CTRL: variants seen among roughly 807,000 people sequenced by gnomAD.
CTRL encodes chymotrypsin-like protease CTRL-1.
In CTRL, 38 loss-of-function variants were observed where a neutral mutation model predicts 35.5. The observed-to-expected ratio is 1.07, with a 90% CI of 0.83 to 1.40. CTRL has a LOEUF of 1.40. CTRL is among the 40% of genes most tolerant of loss of function. CTRL has a pLI of 0.00. For missense variants in CTRL, 327 were observed against 342.9 expected (o/e 0.95, Z 0.37); for synonymous variants, 155 against 141.1 (o/e 1.10, Z -0.70).
Position 67,931,212 on chromosome 16 carries a change from G to A in CTRL, c.53-11C>T. ...CAGGAATGCCGCAGCCTGGCCATTG[G>A]GCTAATGAGGACCTGCTTCCCATGC... On this transcript the variant is annotated splice_polypyrimidine_tract_variant and intron_variant, in intron 1 of 6. Transcript: ENST00000574481. The A allele has an allele frequency of 6.2e-7, 1 of 1,613,718 alleles. No homozygotes were observed.
Position 67,929,863 on chromosome 16 carries a change from C to T in CTRL, c.*71G>A, listed in dbSNP as rs1245846865. On this transcript the variant is annotated 3_prime_UTR_variant, in exon 7 of 7. Coordinates refer to ENST00000574481, the MANE Select transcript of CTRL (RefSeq NM_001907.3). The stretch of plus-strand genomic sequence containing the variant: ...TCTTCTTTCTCCTGAGCCAGGAAGA[C>T]AGACATGAATGCATGATGGGACAGG... 1 of 1,524,172 alleles carries T rather than the reference C, an allele frequency of 6.6e-7. No homozygotes were observed. Among genetic ancestry groups the T allele is most frequent in the Non-Finnish European group, 9.0e-7 (1 of 1,112,228 alleles). The allele number at this position is 1,524,172 out of a possible 1,614,324, so 94.4% of individuals were successfully genotyped here.
Position 67,930,332 on chromosome 16 carries a change from G to T in CTRL, c.500-14C>A, listed in dbSNP as rs754443280. On this transcript the variant is annotated splice_polypyrimidine_tract_variant and intron_variant, in intron 5 of 6. Transcript: ENST00000574481. This position sits in a 1 kb window ranked among gnomAD's most constrained non-coding sequence, Gnocchi z 4.3. ...GTGTCACATTGCCTGTGGGCCAGGA[G>T]GGGTGGTCACATGGGGCCCAGAACA... is the stretch of plus-strand genomic sequence containing the variant. 6.2e-7 allele frequency: 1 copy of T among 1,613,800 alleles called. No homozygotes were observed.
rs771709371 is a variant in CTRL at position 67,931,801 on chromosome 16, C to T, written c.52G>A (p.Gly18Ser). Reference protein sequence around the residue: ...LSLVLLGSSWGCGIPAIKPAL... With the variant: ...LSLVLLGSSWSCGIPAIKPAL... ...TCAGGGCTGGTCCTGGCCCACTCAC[C>T]CCAGGAGGAGCCGAGGAGAACCAGG... Residue 18 changes from glycine (G) to serine (S), a missense_variant and splice_region_variant, in exon 1 of 7, where the codon GGC becomes AGC. Transcript: ENST00000574481. The T allele has an allele frequency of 6.4e-7, 1 of 1,566,064 alleles. No individual in the cohort carries two copies. Among genetic ancestry groups the T allele is most frequent in the South Asian group, 1.2e-5 (1 of 84,832 alleles).
In CTRL at chr16:67,930,544, G is replaced by A. The variant is rs758986472; in HGVS notation, c.363C>T (p.Asp121=). 109 of 1,614,036 alleles carry A rather than the reference G, an allele frequency of 6.8e-5. No individual in the cohort carries two copies. Among genetic ancestry groups the A allele is most frequent in the Middle Eastern group, 1.6e-4 (1 of 6,084 alleles). Residue 121 remains aspartate (D), a synonymous_variant, in exon 5 of 7, where the codon GAC becomes GAT. Transcript: ENST00000574481. This position sits in a 1 kb window ranked among gnomAD's most constrained non-coding sequence, Gnocchi z 4.3. ...GCGAGGCGAGCTTCAGCAGCGTCAC[G>A]TCATTGTTCATGGTGGTAGAGTTCC... The part of the protein sequence containing the change: ...PSWNSTTMNN[D]VTLLKLASPA...
chr16:67,930,335 G>T lies in CTRL; in HGVS notation c.500-17C>A, dbSNP rs74336993. The T allele has an allele frequency of 1.8e-3, 2,962 of 1,613,782 alleles. 50 individuals are homozygous for T. In the African/African-American group the frequency reaches 0.034, roughly 18 times the overall value. On this transcript the variant is annotated splice_polypyrimidine_tract_variant and intron_variant, in intron 5 of 6. Transcript: ENST00000574481. The surrounding 1 kb of genome is among the most constrained non-coding windows in gnomAD (Gnocchi z 4.3). ...TCACATTGCCTGTGGGCCAGGAGGGGTGGTCACATGGGGCCCAGAACACTG... is the reference window on the plus strand; with the variant it reads ...TCACATTGCCTGTGGGCCAGGAGGGTTGGTCACATGGGGCCCAGAACACTG...
In CTRL at chr16:67,930,755, C is replaced by G; in HGVS notation, c.289G>C (p.Glu97Gln). ...LGEYDRSSNA[E>Q]PLQVLSVSRA... The stretch of plus-strand genomic sequence containing the variant: ...GAGACGGACAGAACCTGCAAGGGCT[C>G]TGCGTTTGATGATCGGTCATACTCG... Residue 97 changes from glutamate to glutamine, a missense_variant, in exon 4 of 7, where the codon GAG (glutamate) becomes CAG (glutamine). Glu to Gln is a conservative substitution (Grantham distance 29). Coordinates refer to ENST00000574481, the MANE Select transcript of CTRL (RefSeq NM_001907.3). This position sits in a 1 kb window ranked among gnomAD's most constrained non-coding sequence, Gnocchi z 4.3. The G allele has an allele frequency of 6.2e-7, 1 of 1,614,108 alleles. No homozygotes were observed. Among genetic ancestry groups the G allele is most frequent in the African/African-American group, 1.3e-5 (1 of 75,020 alleles).
chr16:67,929,793 C>T lies in CTRL; in HGVS notation c.*141G>A. On this transcript the variant is annotated 3_prime_UTR_variant, in exon 7 of 7. Transcript: ENST00000574481. Reference sequence around the variant, plus strand: ...TGCTACTCAAGGAGTCACTCAGCCCCTTCTGTGCCAGAAGTCCAAGTAGGG... The same window carrying T: ...TGCTACTCAAGGAGTCACTCAGCCCTTTCTGTGCCAGAAGTCCAAGTAGGG... 2.1e-6 allele frequency: 2 copies of T among 958,530 alleles called. No homozygotes were observed. Among genetic ancestry groups the T allele is most frequent in the South Asian group, 1.6e-5 (1 of 63,952 alleles). 59.4% of individuals were successfully genotyped at this position (958,530 alleles called of 1,614,324 possible).
In CTRL at chr16:67,930,717, G is replaced by A. The variant is rs2058236858; in HGVS notation, c.318+9C>T. The A allele has an allele frequency of 6.2e-7, 1 of 1,613,712 alleles. No individual in the cohort carries two copies. The highest frequency in any genetic ancestry group is 8.5e-7 in the Non-Finnish European group (1 of 1,179,662). ...ACTTTTCCTCCGTGTCTGCAGCCCA[G>A]GCACTCACCCGAGAGACGGACAGAA... On this transcript the variant is annotated intron_variant, in intron 4 of 6. Coordinates refer to ENST00000574481, the MANE Select transcript of CTRL (RefSeq NM_001907.3). The surrounding 1 kb of genome is among the most constrained non-coding windows in gnomAD (Gnocchi z 4.3).
chr16:67,931,849 A>G lies in CTRL; in HGVS notation c.4T>C (p.Leu2=), dbSNP rs142161993. The G allele has an allele frequency of 6.6e-3, 10,441 of 1,570,642 alleles. 54 individuals carry two copies. Among genetic ancestry groups the G allele is most frequent in the Admixed American group, 7.4e-3 (399 of 53,710 alleles). ...AGGCTTAGGGTCAGGCTGAGCAGCAACATCGTGGCAGATGTGAGGTTGGGA... is the reference window on the plus strand; with the variant it reads ...AGGCTTAGGGTCAGGCTGAGCAGCAGCATCGTGGCAGATGTGAGGTTGGGA... M[L]LLSLTLSLVL... The change falls in exon 1 of 7, where the codon TTG becomes CTG. Residue 2 remains leucine (L), a synonymous_variant. Coordinates refer to ENST00000574481, the MANE Select transcript of CTRL (RefSeq NM_001907.3).
rs751718042 is a variant in CTRL at position 67,930,172 on chromosome 16, T to C, written c.633+13A>G. ...CCACAGGACAGCGCAGAGGAGCGGG[T>C]GCTGGGGCTTACCTGGCACGAGGAG... On this transcript the variant is annotated intron_variant, in intron 6 of 6. Coordinates refer to ENST00000574481, the MANE Select transcript of CTRL (RefSeq NM_001907.3). This position sits in a 1 kb window ranked among gnomAD's most constrained non-coding sequence, Gnocchi z 4.3. 5 of 1,613,638 alleles carry C rather than the reference T, an allele frequency of 3.1e-6. No homozygotes were observed. The highest frequency in any genetic ancestry group is 4.2e-6 in the Non-Finnish European group (5 of 1,179,834).
In CTRL at chr16:67,930,476, G is replaced by T. The variant is rs1281056974; in HGVS notation, c.431C>A (p.Ser144Tyr). 1 of 1,614,184 alleles carries T rather than the reference G, an allele frequency of 6.2e-7. No homozygotes were observed. Among genetic ancestry groups the T allele is most frequent in the Non-Finnish European group, 8.5e-7 (1 of 1,180,040 alleles). Reference sequence around the variant, plus strand: ...GCCTTCAGTCAGAGCCTCGTTTGAGGATGCCAGGCAAACTGGCGAGATGCG... The same window carrying T: ...GCCTTCAGTCAGAGCCTCGTTTGAGTATGCCAGGCAAACTGGCGAGATGCG... ...TTRISPVCLA[S>Y]SNEALTEGLT... Residue 144 changes from serine (S) to tyrosine (Y), a missense_variant, in exon 5 of 7, where the codon TCC (serine) becomes TAC (tyrosine). Physicochemically the swap from Ser to Tyr is moderately radical, Grantham distance 144. Transcript: ENST00000574481. This position sits in a 1 kb window ranked among gnomAD's most constrained non-coding sequence, Gnocchi z 4.3.
rs1322678228 is a variant in CTRL, at chr16:67,930,822, G to T, written c.237-15C>A. ...GGCGGCCAGGGCTGCAAGGGGGTGG[G>T]ATTAGGCAGCTGCAGGGAGGCCAGC... On this transcript the variant is annotated splice_polypyrimidine_tract_variant and intron_variant, in intron 3 of 6. Transcript: ENST00000574481. The surrounding 1 kb of genome is among the most constrained non-coding windows in gnomAD (Gnocchi z 4.3). The T allele has an allele frequency of 7.4e-6, 12 of 1,613,788 alleles. 1 individual carries two copies. The highest frequency in any genetic ancestry group is 1.0e-5 in the Non-Finnish European group (12 of 1,179,878).
At position 67,930,852 on chromosome 16, in the gene CTRL, GA is replaced by G. The variant is rs758037514; in HGVS notation, c.237-46del. The G allele has an allele frequency of 6.2e-7, 1 of 1,613,160 alleles. No individual in the cohort carries two copies. Among genetic ancestry groups the G allele is most frequent in the Non-Finnish European group, 8.5e-7 (1 of 1,179,476 alleles). On this transcript the variant is annotated intron_variant, in intron 3 of 6. Transcript: ENST00000574481. The surrounding 1 kb of genome is among the most constrained non-coding windows in gnomAD (Gnocchi z 4.3). ...GGCAGCTGCAGGGAGGCCAGCGCGA[GA>G]GGGGGACAGCCAGGGGAGGAGGCAG... is the stretch of plus-strand genomic sequence containing the variant.
At position 67,929,725 on chromosome 16, in the gene CTRL, G is replaced by T. The variant is rs1482258912; in HGVS notation, c.*209C>A. 6 of 599,140 alleles carry T rather than the reference G, an allele frequency of 1.0e-5. No individual in the cohort carries two copies. Among genetic ancestry groups the T allele is most frequent in the South Asian group, 8.5e-5 (4 of 47,284 alleles). 37.1% of individuals were successfully genotyped at this position (599,140 alleles called of 1,614,324 possible). A position where few individuals can be genotyped will look rare whatever the true frequency, so the allele number is the denominator to read the frequency against. On this transcript the variant is annotated 3_prime_UTR_variant, in exon 7 of 7. Coordinates refer to ENST00000574481, the MANE Select transcript of CTRL (RefSeq NM_001907.3). ...ACCAAGGGGTTGCCCTGGAGGAGGG[G>T]TGGGGGCCCCGGCCTCGGCATGGCT...
In CTRL at chr16:67,931,079, C is replaced by T; in HGVS notation, c.156+19G>A. 3.7e-6 allele frequency: 6 copies of T among 1,613,826 alleles called. No homozygotes were observed. The highest frequency in any genetic ancestry group is 3.3e-5 in the South Asian group (3 of 91,088). On this transcript the variant is annotated intron_variant, in intron 2 of 6. Coordinates refer to ENST00000574481, the MANE Select transcript of CTRL (RefSeq NM_001907.3). Reference sequence around the variant, plus strand: ...GGCATGACGTACCCAGGACCCTGCCCACCCCTCTGGTGGTGTACCTGCAGG... The same window carrying T: ...GGCATGACGTACCCAGGACCCTGCCTACCCCTCTGGTGGTGTACCTGCAGG...
intron 1 of CTRL, chr16:67,931,515 G>A: frequency 1.7e-6 from 1 of 585,076 alleles, no homozygotes; most frequent in Non-Finnish European, 3.1e-6. Context: ...CAGCCAGAAG[G>A]TTCTTTCTAA....
chr16:67,930,112 A>G lies in CTRL; in HGVS notation c.634-17T>C. Reference sequence around the variant, plus strand: ...GGAGTCACCCTGAGAGGGAAGAGGGAGGGAGAATTGAGTAGGGGGGGTTGG... The same window carrying G: ...GGAGTCACCCTGAGAGGGAAGAGGGGGGGAGAATTGAGTAGGGGGGGTTGG... On this transcript the variant is annotated splice_polypyrimidine_tract_variant and intron_variant, in intron 6 of 6. Coordinates refer to ENST00000574481, the MANE Select transcript of CTRL (RefSeq NM_001907.3). The surrounding 1 kb of genome is among the most constrained non-coding windows in gnomAD (Gnocchi z 4.3). The G allele has an allele frequency of 6.2e-7, 1 of 1,613,622 alleles. No individual in the cohort carries two copies. Among genetic ancestry groups the G allele is most frequent in the Non-Finnish European group, 8.5e-7 (1 of 1,179,716 alleles).
In CTRL at chr16:67,929,853, G is replaced by A; in HGVS notation, c.*81C>T. On this transcript the variant is annotated 3_prime_UTR_variant, in exon 7 of 7. Transcript: ENST00000574481. ...CTCAACAGCCTCTTCTTTCTCCTGA[G>A]CCAGGAAGACAGACATGAATGCATG... The A allele has an allele frequency of 6.7e-7, 1 of 1,486,976 alleles. No individual in the cohort carries two copies. Among genetic ancestry groups the A allele is most frequent in the Non-Finnish European group, 9.2e-7 (1 of 1,084,354 alleles). 92.1% of individuals were successfully genotyped at this position (1,486,976 alleles called of 1,614,324 possible). A position where few individuals can be genotyped will look rare whatever the true frequency, so the allele number is the denominator to read the frequency against.
chr16:67,930,248 G>A lies in CTRL; in HGVS notation c.570C>T (p.Tyr190=), dbSNP rs2058234554. Residue 190 remains tyrosine (Y), a synonymous_variant, in exon 6 of 7, where the codon TAC becomes TAT. Transcript: ENST00000574481. The surrounding 1 kb of genome is among the most constrained non-coding windows in gnomAD (Gnocchi z 4.3). ...TGGAGTCAGTGATACTTGAGCCCCAGTACTGCCGGCACTGATTCACAGTGA... is the reference window on the plus strand; with the variant it reads ...TGGAGTCAGTGATACTTGAGCCCCAATACTGCCGGCACTGATTCACAGTGA... ...PLVTVNQCRQ[Y]WGSSITDSMI... is the part of the protein sequence containing the mutation. 3.7e-6 allele frequency: 6 copies of A among 1,614,082 alleles called. No homozygotes were observed. Among genetic ancestry groups the A allele is most frequent in the Admixed American group, 3.3e-5 (2 of 60,022 alleles).
Sources: gnomAD v4.1 joint callset for allele counts on GRCh38, gnomAD v4.1.1 for gene constraint, Gnocchi (gnomAD v3.1) non-coding constraint, MANE v1.5 for transcripts, NCBI Gene and HGNC (gene_info 2026-07-23, HGNC 2026-07-21) for gene names.